Variants in ATF7IP observed in about 807,000 individuals in gnomAD.
The protein encoded by ATF7IP is activating transcription factor 7-interacting protein 1.
ATF7IP carries 23 observed loss-of-function variants against 106.4 expected under a neutral mutation model. That is an observed-to-expected ratio of 0.22 (90% CI 0.16 to 0.31). ATF7IP has a LOEUF of 0.31. ATF7IP is among the 10% of genes least tolerant of loss of function. The probability of loss-of-function intolerance (pLI) is 1.00; values close to 1 mark genes in which losing one functional copy is unlikely to be tolerated. For missense variants in ATF7IP, 1,334 were observed against 1,524.3 expected, an observed-to-expected ratio of 0.88 and a Z score of 2.08; for synonymous variants, 542 against 539.0, an observed-to-expected ratio of 1.01 and a Z score of -0.08.
intron 6 of ATF7IP, among the ~76,000 whole-genome samples, chr12:14,449,589 C>T (rs1943117551): frequency 8.9e-6 from 1 of 112,040 alleles, no homozygotes; most frequent in African/African-American, 3.5e-5. Context: ...CCTTGGCTAA[C>T]TTAGCCTAAT....
Position 14,500,376 on chromosome 12 carries a change from A to G in ATF7IP, c.*2303A>G, listed in dbSNP as rs1265525665. On this transcript the variant is annotated 3_prime_UTR_variant, in exon 15 of 15. Transcript: ENST00000261168. ...TTCACTCTCAGAAAATGAGACCACA[A>G]AGGAGTATGCTATAAATCAAATTTG... 3 of 152,196 alleles carry G rather than the reference A, an allele frequency of 2.0e-5. No individual in the cohort carries two copies. The highest frequency in any genetic ancestry group is 7.2e-5 in the African/African-American group (3 of 41,458). The allele number at this position is 152,196 out of a possible 1,614,324, so 9.4% of individuals were successfully genotyped here.
intron 8 of ATF7IP, 67 bp from the exon 9 acceptor site, chr12:14,460,428 G>A: frequency 7.0e-7 from 1 of 1,423,046 alleles, no homozygotes; most frequent in Non-Finnish European, 9.6e-7. Context: ...ATTTGTGTCT[G>A]TCATATTTTC....
At chr12:14,367,491 C>G (rs1938356813) in intron 1 of ATF7IP, 1 of 152,036 alleles carries the variant, frequency 6.6e-6, no homozygotes, top group Admixed American at 6.6e-5. Context: ...GAGTGGTTAC[C>G]TAGCAGCCCC....
At chr12:14,473,827 C>T (rs1460448264) in intron 10 of ATF7IP, among the ~76,000 whole-genome samples, 5 of 150,036 alleles carry the variant, frequency 3.3e-5, no homozygotes, top group Admixed American at 1.3e-4. Flanking sequence ...TTTAAATTAT[C>T]GGCACTTTGA....
chr12:14,481,675 T>A (rs975635974), intron 13 of ATF7IP: 9 of 428,310 alleles, frequency 2.1e-5, no homozygotes, highest in Non-Finnish European at 3.2e-5. Context: ...GTCTTTAATT[T>A]AACTTTATTT....
At chr12:14,468,272 CAA>C (rs567695230) in intron 10 of ATF7IP, among the ~76,000 whole-genome samples, 9 of 65,726 alleles carry the variant, frequency 1.4e-4, no homozygotes, top group Admixed American at 3.5e-4. Flanking sequence ...CATCCCATCT[CAA>C]AAAAAAAAAA....
chr12:14,484,618 G>A (rs1411043484), intron 13 of ATF7IP, among the ~76,000 whole-genome samples: 1 of 152,146 alleles, frequency 6.6e-6, no homozygotes, highest in Non-Finnish European at 1.5e-5. Context: ...TGCATATGGT[G>A]CAGAACCATC....
intron 1 of ATF7IP, among the ~76,000 whole-genome samples, chr12:14,378,101 T>C (rs1444947697): frequency 6.2e-5 from 2 of 32,472 alleles, no homozygotes; most frequent in African/African-American, 2.3e-4. Context: ...TTTCTTTTTC[T>C]TTTTTTTTTT....
intron 1 of ATF7IP, among the ~76,000 whole-genome samples, chr12:14,372,581 A>G (rs1157100118): frequency 6.6e-6 from 1 of 152,124 alleles, no homozygotes. Flanking sequence ...TAACTTTGCC[A>G]TCAGAAATAT....
At chr12:14,461,164 A>T (rs757113507) in intron 9 of ATF7IP, 31 bp downstream of exon 9, 1 of 1,582,512 alleles carries the variant, frequency 6.3e-7, no homozygotes, top group African/African-American at 1.4e-5. Context: ...AATACTAGAA[A>T]TGCAAGCATC....
Position 14,461,216 on chromosome 12 carries a change from C to T in ATF7IP, c.2797+83C>T, listed in dbSNP as rs567164908. The T allele has an allele frequency of 3.1e-6, 4 of 1,278,644 alleles. No individual in the cohort carries two copies. The East Asian group carries it at 9.5e-5, about 30-fold the overall frequency. 79.2% of individuals were successfully genotyped at this position (1,278,644 alleles called of 1,614,324 possible). A position where few individuals can be genotyped will look rare whatever the true frequency, so the allele number is the denominator to read the frequency against. ...GATTGAACTTTTTTTTTCTAAGTGG[C>T]TAGCGTTATTGGAAGTACAAAATAA... On this transcript the variant is annotated intron_variant, in intron 9 of 14. Coordinates refer to ENST00000261168, the MANE Select transcript of ATF7IP (RefSeq NM_018179.5).
intron 2 of ATF7IP, among the ~76,000 whole-genome samples, chr12:14,428,582 ATTC>A (rs1481319235): frequency 1.3e-5 from 2 of 152,150 alleles, no homozygotes; most frequent in Non-Finnish European, 2.9e-5. Context: ...AAATGCCTTT[ATTC>A]TTGACTAATT....
At chr12:14,484,917 TTGA>T (rs1246391548) in intron 13 of ATF7IP, among the ~76,000 whole-genome samples, 1 of 152,148 alleles carries the variant, frequency 6.6e-6, no homozygotes, top group African/African-American at 2.4e-5. Flanking sequence ...ACATGGTGAC[TTGA>T]TGACCCATAG....
chr12:14,417,320 T>A (rs1050015844), intron 1 of ATF7IP, among the ~76,000 whole-genome samples: 1 of 152,156 alleles, frequency 6.6e-6, no homozygotes, highest in Non-Finnish European at 1.5e-5. Flanking sequence ...TTAGATTTCA[T>A]TAGATGAATT....
At position 14,486,359 on chromosome 12, in the gene ATF7IP, G is replaced by A. The variant is rs144382404; in HGVS notation, c.3280+5174G>A. ...CCTTTCCCCAGTGCACAGTTACCCT[G>A]GTAAAAGGCCAGAGATCTCCTTGGG... On this transcript the variant is annotated intron_variant, in intron 13 of 14. Coordinates refer to ENST00000261168, the MANE Select transcript of ATF7IP (RefSeq NM_018179.5). Among the ~76,000 whole-genome samples, 3 of 152,224 alleles carry A rather than the reference G, an allele frequency of 2.0e-5. No individual in the cohort carries two copies. The East Asian group carries it at 5.8e-4, about 29-fold the overall frequency.
At chr12:14,422,283 C>T (rs1941560261) in intron 1 of ATF7IP, among the ~76,000 whole-genome samples, 2 of 149,638 alleles carry the variant, frequency 1.3e-5, no homozygotes, top group Non-Finnish European at 1.5e-5. Flanking sequence ...ATTGATAAAA[C>T]TGTAGCACAA....
intron 9 of ATF7IP, among the ~76,000 whole-genome samples, chr12:14,465,132 C>T (rs1480592118): frequency 6.6e-6 from 1 of 151,832 alleles, no homozygotes; most frequent in Non-Finnish European, 1.5e-5. Context: ...GTGAGAATCT[C>T]GAACCTGGGA....
chr12:14,385,236 T>A, intron 1 of ATF7IP: 1 of 586,026 alleles, frequency 1.7e-6, no homozygotes, highest in Non-Finnish European at 2.9e-6. Context: ...ATAGCTGAGT[T>A]TTCACTGTGT....
intron 10 of ATF7IP, among the ~76,000 whole-genome samples, chr12:14,466,885 A>G (rs889149786): frequency 6.6e-6 from 1 of 152,242 alleles, no homozygotes; most frequent in East Asian, 1.9e-4. Context: ...TACTGTAAAG[A>G]TTGTCTGCAA....
Sources: gnomAD v4.1 joint callset for allele counts (sites outside exome capture counted in the v4.1 genomes callset) on GRCh38, gnomAD v4.1.1 for gene constraint, MANE v1.5 for transcripts, NCBI Gene and HGNC (gene_info 2026-07-23, HGNC 2026-07-21) for gene names.